Variants in FCRL3 observed in about 807,000 individuals in gnomAD.
FCRL3 encodes the protein Fc receptor like 3.
In FCRL3, 89 loss-of-function variants were observed where a neutral mutation model predicts 75.0. The ratio of observed to expected loss-of-function variants is 1.19; its 90% CI spans 1.00 to 1.42. The LOEUF is 1.42. FCRL3 is among the 40% of genes most tolerant of loss of function. The pLI, the probability that FCRL3 is intolerant of heterozygous loss-of-function variation, is 0.00. For missense variants in FCRL3, 946 were observed against 880.0 expected (o/e 1.07, Z -0.95); for synonymous variants, 376 against 348.5 (o/e 1.08, Z -0.88).
intron 2 of FCRL3, 132 bp downstream of exon 2, chr1:157,700,327 C>A: frequency 1.4e-6 from 2 of 1,381,180 alleles, no homozygotes; most frequent in Non-Finnish European, 2.0e-6. Flanking sequence ...GGGAACCCAG[C>A]TCTGCTCACT....
intron 10 of FCRL3, 61 bp downstream of exon 10, chr1:157,689,737 C>T: frequency 6.2e-7 from 1 of 1,606,530 alleles, no homozygotes; most frequent in South Asian, 1.1e-5. Context: ...GTGCACCAGA[C>T]AACTTCAAAT....
At chr1:157,692,000 T>C (rs1655574991) in intron 8 of FCRL3, 1 of 152,308 alleles carries the variant, frequency 6.6e-6, no homozygotes, top group South Asian at 2.1e-4. Context: ...GCTTTACTAA[T>C]ATTCATGGTG....
Position 157,695,359 on chromosome 1 carries a change from G to A in FCRL3, c.1381C>T (p.His461Tyr), listed in dbSNP as rs758057519. 1.2e-6 allele frequency: 2 copies of A among 1,614,136 alleles called. No individual in the cohort carries two copies. Among genetic ancestry groups the A allele is most frequent in the Non-Finnish European group, 8.5e-7 (1 of 1,179,974 alleles). Residue 461 changes from histidine to tyrosine, a missense_variant, in exon 8 of 15, where the codon CAC becomes TAC. Physicochemically the swap from His to Tyr is moderately conservative, Grantham distance 83. Transcript: ENST00000368184. ...CDADNGLGAQ[H>Y]SHGVSLRVTV... ...ACCCTGAGACTCACTCCATGACTGT[G>A]CTGGGCCCCCAGGCCATTGTCTGCA...
Position 157,690,398 on chromosome 1 carries a change from G to T in FCRL3, c.1547C>A (p.Thr516Asn), listed in dbSNP as rs772310432. The T allele has an allele frequency of 6.2e-7, 1 of 1,614,216 alleles. No individual in the cohort carries two copies. The highest frequency in any genetic ancestry group is 1.7e-5 in the Admixed American group (1 of 60,030). The change falls in exon 9 of 15, where the codon ACC becomes AAC. Residue 516 changes from threonine to asparagine, a missense_variant. Physicochemically the swap from Thr to Asn is moderately conservative, Grantham distance 65. Transcript: ENST00000368184. ...ILYWFYHEDD[T>N]LGNISAHSGG... ...AGAGTGGGCCGAGATGTTCCCCAAGGTGTCATCCTCGTGATAAAACCAGTA... is the reference window on the plus strand; with the variant it reads ...AGAGTGGGCCGAGATGTTCCCCAAGTTGTCATCCTCGTGATAAAACCAGTA...
intron 10 of FCRL3, 36 bp downstream of exon 10, chr1:157,689,762 C>CA: frequency 6.2e-7 from 1 of 1,612,412 alleles, no homozygotes; most frequent in Non-Finnish European, 8.5e-7. Flanking sequence ...ATAGCAACGG[C>CA]AAAATCACAT....
In FCRL3 at chr1:157,690,235, C is replaced by A. The variant is rs754202620; in HGVS notation, c.1690+20G>T. 1 of 1,612,170 alleles carries A rather than the reference C, an allele frequency of 6.2e-7. No homozygotes were observed. Among genetic ancestry groups the A allele is most frequent in the East Asian group, 2.2e-5 (1 of 44,854 alleles). ...TATTTACCATAACTGTGACCTCTAG[C>A]CCAGGTACTATTAACACACCTGTAA... On this transcript the variant is annotated intron_variant, in intron 9 of 14. Transcript: ENST00000368184.
At position 157,676,964 on chromosome 1, in the gene FCRL3, T is replaced by G. The variant is rs1654499187; in HGVS notation, c.*1746A>C. ...CACCATAGAGAAAAAAACAGCAGAA[T>G]GTATCACATAGAAGACAGAGACATT... On this transcript the variant is annotated 3_prime_UTR_variant, in exon 15 of 15. Coordinates refer to ENST00000368184, the MANE Select transcript of FCRL3 (RefSeq NM_052939.4). The G allele has an allele frequency of 7.2e-7, 1 of 1,388,296 alleles. No homozygotes were observed. Among genetic ancestry groups the G allele is most frequent in the Non-Finnish European group, 9.3e-7 (1 of 1,070,154 alleles). 86.0% of individuals were successfully genotyped at this position (1,388,296 alleles called of 1,614,324 possible).
At position 157,678,185 on chromosome 1, in the gene FCRL3, A is replaced by T; in HGVS notation, c.*525T>A. 31 of 986,702 alleles carry T rather than the reference A, an allele frequency of 3.1e-5. No homozygotes were observed. Among genetic ancestry groups the T allele is most frequent in the Non-Finnish European group, 3.7e-5 (31 of 830,898 alleles). 61.1% of individuals were successfully genotyped at this position (986,702 alleles called of 1,614,324 possible). A position where few individuals can be genotyped will look rare whatever the true frequency, so the allele number is the denominator to read the frequency against. On this transcript the variant is annotated 3_prime_UTR_variant, in exon 15 of 15. Transcript: ENST00000368184. The stretch of plus-strand genomic sequence containing the variant: ...TGTCACCCTGTAAGTACAAAAATAC[A>T]CTTCAGATAGAGTCACCTTAAATTC...
chr1:157,697,838 T>G lies in FCRL3; in HGVS notation c.380A>C (p.Asn127Thr), dbSNP rs1412324567. 3.1e-6 allele frequency: 5 copies of G among 1,614,134 alleles called. No individual in the cohort carries two copies. The highest frequency in any genetic ancestry group is 4.2e-6 in the Non-Finnish European group (5 of 1,180,010). Residue 127 changes from asparagine (N) to threonine (T), a missense_variant, in exon 5 of 15, where the codon AAC (asparagine) becomes ACC (threonine). Coordinates refer to ENST00000368184, the MANE Select transcript of FCRL3 (RefSeq NM_052939.4). Reference protein sequence around the residue: ...ILRCQGKDNKNTHQKVYYKDG... With the variant: ...ILRCQGKDNKTTHQKVYYKDG... ...CTTGTAGTAAACCTTTTGATGAGTG[T>G]TTTTGTTGTCTTTCCCCTGACATCT...
chr1:157,698,287 G>A lies in FCRL3; in HGVS notation c.298+97C>T, dbSNP rs1327509340. The A allele has an allele frequency of 1.3e-5, 18 of 1,439,094 alleles. No homozygotes were observed. The East Asian group carries it at 3.9e-4, about 31-fold the overall frequency. The allele number at this position is 1,439,094 out of a possible 1,614,324, so 89.1% of individuals were successfully genotyped here. On this transcript the variant is annotated intron_variant, in intron 4 of 14. Transcript: ENST00000368184. Reference sequence around the variant, plus strand: ...CTGGGGTCAGTGCATCAATCCCCATGTCTGCTTACAACTCTGCCTAGGATC... The same window carrying A: ...CTGGGGTCAGTGCATCAATCCCCATATCTGCTTACAACTCTGCCTAGGATC...
Position 157,679,828 on chromosome 1 carries a change from CACAAAAAAAAAAAAAAAA to C in FCRL3, c.2026+856_2027-856del, listed in dbSNP as rs1381081541. Among the ~76,000 whole-genome samples the C allele has an allele frequency of 6.7e-3, 186 of 27,922 alleles. 5 individuals are homozygous for C. Among genetic ancestry groups the C allele is most frequent in the African/African-American group, 0.014 (181 of 13,250 alleles). 18.3% of individuals were successfully genotyped at this position (27,922 alleles called of 152,430 possible). On this transcript the variant is annotated intron_variant, in intron 13 of 14. Transcript: ENST00000368184. ...TGGGCGACAGAACGAGACCCCATCT[CACAAAAAAAAAAAAAAAA>C]AAAAAAAAAAAAAATGACAGAAACT... is the stretch of plus-strand genomic sequence containing the variant.
At chr1:157,691,649 T>C (rs1208493820) in intron 8 of FCRL3, 7 of 152,214 alleles carry the variant, frequency 4.6e-5, no homozygotes, top group African/African-American at 9.6e-5. Context: ...CCTCTAAATA[T>C]GAAGTGACCT....
intron 13 of FCRL3, 37 bp from the exon 14 acceptor site, chr1:157,679,010 G>A (rs1216785235): frequency 6.2e-7 from 1 of 1,611,356 alleles, no homozygotes; most frequent in Admixed American, 1.7e-5. Context: ...GTATTAAACT[G>A]TGGGCAATAT....
intron 11 of FCRL3, 148 bp downstream of exon 11, chr1:157,683,069 G>C: frequency 6.3e-6 from 5 of 791,400 alleles, no homozygotes; most frequent in Non-Finnish European, 1.0e-5. Flanking sequence ...AAGTGAAAGT[G>C]ACATTCACTT....
intron 2 of FCRL3, among the ~76,000 whole-genome samples, chr1:157,700,167 G>A (rs1557836302): frequency 6.6e-6 from 1 of 152,162 alleles, no homozygotes; most frequent in African/African-American, 2.4e-5. Flanking sequence ...TTAGTCTGAG[G>A]CTTAAGAGGG....
chr1:157,687,336 T>A (rs1190390761), intron 10 of FCRL3, among the ~76,000 whole-genome samples: 1 of 146,682 alleles, frequency 6.8e-6, no homozygotes, highest in Non-Finnish European at 1.5e-5. Context: ...ACACTGTTGG[T>A]GGGAATTTAA....
At chr1:157,682,695 C>T (rs1217589548) in intron 11 of FCRL3, among the ~76,000 whole-genome samples, 1 of 152,232 alleles carries the variant, frequency 6.6e-6, no homozygotes. Context: ...TCTTACAGAA[C>T]TTAAACCTTG....
intron 10 of FCRL3, among the ~76,000 whole-genome samples, chr1:157,689,284 C>T (rs986752895): frequency 6.6e-6 from 1 of 152,186 alleles, no homozygotes; most frequent in Non-Finnish European, 1.5e-5. Context: ...AAAAGAGATA[C>T]TGAACTAATA....
intron 2 of FCRL3, 115 bp from the exon 3 acceptor site, chr1:157,699,827 T>A: frequency 8.9e-7 from 1 of 1,124,232 alleles, no homozygotes; most frequent in Middle Eastern, 2.0e-4. Context: ...TTTTATATCA[T>A]CCAGAGCCCC....
Sources: gnomAD v4.1 joint callset for allele counts (sites outside exome capture counted in the v4.1 genomes callset) on GRCh38, gnomAD v4.1.1 for gene constraint, MANE v1.5 for transcripts, NCBI Gene and HGNC (gene_info 2026-07-23, HGNC 2026-07-21) for gene names.